EP300: variants seen among roughly 807,000 people sequenced by gnomAD.
EP300 encodes histone acetyltransferase p300.
Under a neutral mutation model 264.0 loss-of-function variants are expected in EP300, and 31 were observed. The observed-to-expected ratio is 0.12, with a 90% CI of 0.09 to 0.16. EP300 has a LOEUF of 0.16. Among genes scored for constraint, EP300 ranks in the 10% least tolerant of loss-of-function variants. EP300 has a pLI of 1.00. For missense variants in EP300, 2,766 were observed against 3,052.9 expected (o/e 0.91, Z 2.21); for synonymous variants, 1,340 against 1,045.4 (o/e 1.28, Z -5.44).
chr22:41,175,543 A>AT (rs1491003914), intron 29 of EP300, among the ~76,000 whole-genome samples: 8 of 152,212 alleles, frequency 5.3e-5, no homozygotes, highest in African/African-American at 7.2e-5. Flanking sequence ...AAAGACTAAG[A>AT]TTTTTTATCC....
In EP300 at chr22:41,168,497, ACTTT is replaced by A; in HGVS notation, c.3926_3929del (p.Phe1309Ter). ...ACCTTTCTAGAGAATCGTGTGAATG[ACTTT>A]CTGAGGCGACAGAATCACCCTGAGT... On this transcript the variant is annotated frameshift_variant, in exon 24 of 31. Transcript: ENST00000263253. LOFTEE classifies it high-confidence loss of function. 6.2e-7 allele frequency: 1 copy of A among 1,614,188 alleles called. No homozygotes were observed. Among genetic ancestry groups the A allele is most frequent in the Non-Finnish European group, 8.5e-7 (1 of 1,180,030 alleles).
chr22:41,142,916 A>T (rs183507433), intron 10 of EP300, among the ~76,000 whole-genome samples: 24 of 152,038 alleles, frequency 1.6e-4, no homozygotes, highest in Non-Finnish European at 2.2e-4. Context: ...TACCTGAGAT[A>T]CTTGGTTTTG....
chr22:41,177,964 A>G lies in EP300; in HGVS notation c.6253A>G (p.Ile2085Val), dbSNP rs1386769292. Residue 2085 changes from isoleucine to valine, a missense_variant, in exon 31 of 31, where the codon ATC becomes GTC. By Grantham distance (29) the Ile-to-Val change is conservative (BLOSUM62 3). Transcript: ENST00000263253. ...CAACCCCCAGCTGTTGGCTGCATTC[A>G]TCAAGCAGCGGGCTGCCAAGTATGC... ...HANPQLLAAF[I>V]KQRAAKYANS... 1.9e-6 allele frequency: 3 copies of G among 1,614,080 alleles called. No homozygotes were observed. The highest frequency in any genetic ancestry group is 2.5e-6 in the Non-Finnish European group (3 of 1,179,988).
At chr22:41,154,282 A>G (rs1167582782) in intron 16 of EP300, among the ~76,000 whole-genome samples, 1 of 149,290 alleles carries the variant, frequency 6.7e-6, no homozygotes, top group African/African-American at 2.5e-5. Context: ...GATCTAGTCT[A>G]GTTTCTGACT....
chr22:41,116,312 A>T (rs948536306), intron 1 of EP300, among the ~76,000 whole-genome samples: 1 of 151,986 alleles, frequency 6.6e-6, no homozygotes, highest in Non-Finnish European at 1.5e-5. Flanking sequence ...GGTTTGCCGC[A>T]CCCATCAATC....
intron 10 of EP300, among the ~76,000 whole-genome samples, chr22:41,142,506 A>ACT (rs2058988449): frequency 6.6e-6 from 1 of 152,192 alleles, no homozygotes; most frequent in Non-Finnish European, 1.5e-5. Context: ...AGTAGTTAGA[A>ACT]CAAATTTTCA....
In EP300 at chr22:41,117,956, TAAG is replaced by T. The variant is rs1221397878; in HGVS notation, c.729+139_729+141del. On this transcript the variant is annotated intron_variant, in intron 2 of 30. Transcript: ENST00000263253. ...GAATTTACTGTGCTGTCATAAGTTT[TAAG>T]AAGTGCCTGTATTTAAGTAAAACGT... 19 of 1,406,544 alleles carry T rather than the reference TAAG, an allele frequency of 1.4e-5. No homozygotes were observed. In the East Asian group the frequency reaches 3.2e-4, roughly 23 times the overall value. 87.1% of individuals were successfully genotyped at this position (1,406,544 alleles called of 1,614,324 possible).
At chr22:41,100,937 A>G (rs948081515) in intron 1 of EP300, among the ~76,000 whole-genome samples, 4 of 152,142 alleles carry the variant, frequency 2.6e-5, no homozygotes, top group Admixed American at 6.6e-5. Flanking sequence ...TATATATCCT[A>G]TCATGTAAGA....
intron 2 of EP300, among the ~76,000 whole-genome samples, chr22:41,118,797 G>GA (rs34868121): frequency 6.8e-4 from 59 of 86,274 alleles, no homozygotes; most frequent in Middle Eastern, 5.1e-3. Context: ...TATTTAAGGG[G>GA]AAAAAAAAAA....
At chr22:41,139,705 G>GT (rs970866633) in intron 8 of EP300, among the ~76,000 whole-genome samples, 8 of 152,208 alleles carry the variant, frequency 5.3e-5, no homozygotes, top group Admixed American at 4.6e-4. Context: ...TTTTTTGTTT[G>GT]TTTTTTATAA....
intron 21 of EP300, among the ~76,000 whole-genome samples, chr22:41,163,788 C>T (rs564305158): frequency 6.6e-5 from 10 of 152,018 alleles, no homozygotes; most frequent in African/African-American, 2.2e-4. Flanking sequence ...TAGTATGTGC[C>T]TATCCTAGCC....
At chr22:41,165,604 G>T (rs1302598388) in intron 22 of EP300, among the ~76,000 whole-genome samples, 1 of 151,812 alleles carries the variant, frequency 6.6e-6, no homozygotes, top group Non-Finnish European at 1.5e-5. Flanking sequence ...TTGTATTTTG[G>T]TAGAGACAGG....
chr22:41,135,309 C>A (rs1270730273), intron 6 of EP300, among the ~76,000 whole-genome samples: 1 of 152,106 alleles, frequency 6.6e-6, no homozygotes, highest in Non-Finnish European at 1.5e-5. Context: ...TGGGTAGTTC[C>A]CTTTTGTTTT....
chr22:41,141,246 T>A (rs1189615567), intron 10 of EP300, 24 bp downstream of exon 10: 1 of 1,605,788 alleles, frequency 6.2e-7, no homozygotes, highest in South Asian at 1.1e-5. Flanking sequence ...GTTATATTTC[T>A]GTTTGAGAGA....
At chr22:41,116,850 C>G (rs1299064933) in intron 1 of EP300, among the ~76,000 whole-genome samples, 1 of 152,132 alleles carries the variant, frequency 6.6e-6, no homozygotes, top group East Asian at 1.9e-4. Flanking sequence ...AGCTTCAGCT[C>G]AGGAGTGTAA....
chr22:41,172,928 C>T (rs892246050), intron 28 of EP300, among the ~76,000 whole-genome samples: 1 of 152,180 alleles, frequency 6.6e-6, no homozygotes, highest in Non-Finnish European at 1.5e-5. Context: ...TCCTGAAAAA[C>T]TGATAGAAGA....
intron 22 of EP300, among the ~76,000 whole-genome samples, chr22:41,164,544 T>A (rs2059124667): frequency 6.6e-6 from 1 of 152,056 alleles, no homozygotes; most frequent in Non-Finnish European, 1.5e-5. Context: ...AAACCTCGTG[T>A]CTACTGAAAA....
chr22:41,135,406 A>G (rs5758242), intron 6 of EP300, among the ~76,000 whole-genome samples: 40,991 of 151,962 alleles, frequency 0.27, 6,535 homozygotes, highest in East Asian at 0.55. Context: ...ATGCACAATT[A>G]TTTGAATGAT....
intron 1 of EP300, among the ~76,000 whole-genome samples, chr22:41,116,365 A>G (rs2058821461): frequency 6.6e-6 from 1 of 151,834 alleles, no homozygotes; most frequent in African/African-American, 2.4e-5. Flanking sequence ...ATCCTCTCCT[A>G]GCCCCCCATC....
Sources: gnomAD v4.1 joint callset for allele counts (sites outside exome capture counted in the v4.1 genomes callset) on GRCh38, gnomAD v4.1.1 for gene constraint, MANE v1.5 for transcripts, NCBI Gene and HGNC (gene_info 2026-07-23, HGNC 2026-07-21) for gene names.